RIC8B: variants seen among roughly 807,000 people sequenced by gnomAD.
RIC8B encodes chaperone Ric-8B.
RIC8B carries 16 observed loss-of-function variants against 57.5 expected under a neutral mutation model. The ratio of observed to expected loss-of-function variants is 0.28; its 90% CI spans 0.19 to 0.42. RIC8B has a LOEUF of 0.42. Among genes scored for constraint, RIC8B ranks in the 10% least tolerant of loss-of-function variants. The pLI is 1.00. For missense variants in RIC8B, 481 were observed against 677.0 expected, an observed-to-expected ratio of 0.71 and a Z score of 3.21; for synonymous variants, 216 against 250.8, an observed-to-expected ratio of 0.86 and a Z score of 1.31.
At chr12:106,839,367 A>G (rs1449931913) in intron 4 of RIC8B, among the ~76,000 whole-genome samples, 1 of 152,228 alleles carries the variant, frequency 6.6e-6, no homozygotes, top group Non-Finnish European at 1.5e-5. Context: ...CTTTAAAAAA[A>G]GAAGGAAATC....
chr12:106,802,091 C>T (rs376983579), intron 2 of RIC8B, among the ~76,000 whole-genome samples: 4 of 152,206 alleles, frequency 2.6e-5, no homozygotes, highest in African/African-American at 9.7e-5. Flanking sequence ...AAACATCATC[C>T]ATCCAAGGGA....
At chr12:106,779,835 G>T (rs1277998418) in intron 1 of RIC8B, among the ~76,000 whole-genome samples, 2 of 146,842 alleles carry the variant, frequency 1.4e-5, no homozygotes, top group African/African-American at 2.5e-5. Context: ...AGTCTAGACT[G>T]TTCAAGCTCT....
At chr12:106,792,050 A>C (rs2044280448) in intron 2 of RIC8B, among the ~76,000 whole-genome samples, 1 of 152,228 alleles carries the variant, frequency 6.6e-6, no homozygotes, top group South Asian at 2.1e-4. Flanking sequence ...TTTGTTACAT[A>C]GTGCAAGTAC....
At chr12:106,848,624 A>G (rs1275593700) in intron 6 of RIC8B, among the ~76,000 whole-genome samples, 1 of 152,170 alleles carries the variant, frequency 6.6e-6, no homozygotes, top group African/African-American at 2.4e-5. Flanking sequence ...CTGACATAAT[A>G]TGCTGATGGA....
chr12:106,840,971 TTTA>T (rs1337462259), intron 4 of RIC8B, among the ~76,000 whole-genome samples: 1 of 152,176 alleles, frequency 6.6e-6, no homozygotes, highest in Non-Finnish European at 1.5e-5. Context: ...TTTCCCCCCT[TTTA>T]TTCTCAATGA....
At chr12:106,848,460 T>C (rs560303168) in intron 6 of RIC8B, among the ~76,000 whole-genome samples, 116 of 152,278 alleles carry the variant, frequency 7.6e-4, no homozygotes, top group Middle Eastern at 6.8e-3. Flanking sequence ...CTAGCCACTA[T>C]GTAGAAAATG....
At chr12:106,842,549 A>T (rs762493086) in intron 4 of RIC8B, 40 bp from the exon 5 acceptor site, 1 of 1,478,106 alleles carries the variant, frequency 6.8e-7, no homozygotes, top group East Asian at 2.3e-5. Context: ...AGGACTATTC[A>T]ATCAAGTTAA....
At chr12:106,784,112 G>T in intron 2 of RIC8B, 68 bp downstream of exon 2, 1 of 1,401,588 alleles carries the variant, frequency 7.1e-7, no homozygotes, top group Non-Finnish European at 1.0e-6. Flanking sequence ...TTTCTAAGCA[G>T]TGGTCATGTT....
chr12:106,834,983 C>CAAAAAAAAAA (rs71072695), intron 4 of RIC8B, among the ~76,000 whole-genome samples: 1 of 31,280 alleles, frequency 3.2e-5, no homozygotes, highest in Non-Finnish European at 6.4e-5. Flanking sequence ...GACTCTGTCT[C>CAAAAAAAAAA]AAAAAAAAAA....
chr12:106,816,158 C>T (rs561171260), intron 3 of RIC8B, among the ~76,000 whole-genome samples: 9 of 148,198 alleles, frequency 6.1e-5, no homozygotes, highest in Non-Finnish European at 1.2e-4. Context: ...GAAATTCACC[C>T]CCTCCTGTAA....
intron 4 of RIC8B, among the ~76,000 whole-genome samples, chr12:106,832,378 G>A (rs560204962): frequency 6.6e-6 from 1 of 152,068 alleles, no homozygotes; most frequent in Non-Finnish European, 1.5e-5. Flanking sequence ...GGCCAGCCTG[G>A]CCAACATGGT....
chr12:106,866,050 C>G (rs1382269735), intron 8 of RIC8B, among the ~76,000 whole-genome samples: 1 of 152,192 alleles, frequency 6.6e-6, no homozygotes, highest in Non-Finnish European at 1.5e-5. Flanking sequence ...CACTCCATAT[C>G]ATACTTCTTA....
chr12:106,865,158 T>G (rs1266634235), intron 8 of RIC8B, among the ~76,000 whole-genome samples: 6 of 152,188 alleles, frequency 3.9e-5, no homozygotes, highest in Non-Finnish European at 5.9e-5. Context: ...GTAGTTCTTG[T>G]GTTTAATTTT....
rs398039963 is a variant in RIC8B, at chr12:106,804,219, C to CTT, written c.133-10465_133-10464dup. ...GTACTTTTTTTTCCTTCCTTTCTTT[C>CTT]TTTTTTTTTTTTTGAGACAGAGTCT... On this transcript the variant is annotated intron_variant, in intron 2 of 9. Coordinates refer to ENST00000392837, the MANE Select transcript of RIC8B (RefSeq NM_001330145.2). Among the ~76,000 whole-genome samples, 344 of 143,422 alleles carry CTT rather than the reference C, an allele frequency of 2.4e-3. 4 individuals carry two copies. Among genetic ancestry groups the CTT allele is most frequent in the African/African-American group, 6.9e-3 (268 of 38,818 alleles). 94.1% of individuals were successfully genotyped at this position (143,422 alleles called of 152,430 possible). A position where few individuals can be genotyped will look rare whatever the true frequency, so the allele number is the denominator to read the frequency against.
intron 3 of RIC8B, among the ~76,000 whole-genome samples, chr12:106,820,824 A>T (rs974821462): frequency 6.6e-6 from 1 of 152,234 alleles, no homozygotes; most frequent in African/African-American, 2.4e-5. Flanking sequence ...TGTCATTAAG[A>T]TGTGAAAGCT....
At chr12:106,805,041 G>C (rs1398096220) in intron 2 of RIC8B, among the ~76,000 whole-genome samples, 3 of 152,226 alleles carry the variant, frequency 2.0e-5, no homozygotes, top group Non-Finnish European at 4.4e-5. Context: ...GTGACAATAA[G>C]TAGTTGAATG....
intron 1 of RIC8B, among the ~76,000 whole-genome samples, chr12:106,775,164 G>C (rs79609348): frequency 4.6e-4 from 70 of 152,306 alleles, no homozygotes; most frequent in African/African-American, 1.7e-3. Context: ...TGCATGAGAG[G>C]CTTCCTCACC....
chr12:106,780,721 A>G (rs770451543), intron 1 of RIC8B, among the ~76,000 whole-genome samples: 2 of 152,218 alleles, frequency 1.3e-5, no homozygotes, highest in Non-Finnish European at 2.9e-5. Flanking sequence ...AACATACACC[A>G]CGCAATTAGG....
chr12:106,839,158 G>T (rs746272189), intron 4 of RIC8B, among the ~76,000 whole-genome samples: 14 of 152,162 alleles, frequency 9.2e-5, no homozygotes, highest in Non-Finnish European at 4.4e-5. Context: ...CAGCAATCAC[G>T]CTTCTGGGAG....
Sources: gnomAD v4.1 joint callset for allele counts (sites outside exome capture counted in the v4.1 genomes callset) on GRCh38, gnomAD v4.1.1 for gene constraint, MANE v1.5 for transcripts, NCBI Gene and HGNC (gene_info 2026-07-23, HGNC 2026-07-21) for gene names.